The following AOPEP variants were observed in gnomAD, a reference collection of about 807,000 sequenced individuals.
AOPEP encodes the protein aminopeptidase O.
A neutral mutation model predicts 98.1 loss-of-function variants in AOPEP; 77 were observed. That is an observed-to-expected ratio of 0.78 (90% CI 0.65 to 0.95). The LOEUF (loss-of-function observed/expected upper bound fraction) is 0.95. Ranked by LOEUF, AOPEP falls within the 40% of genes least tolerant of loss-of-function variation. The pLI, the probability that AOPEP is intolerant of heterozygous loss-of-function variation, is 0.00. For missense variants in AOPEP, 1,024 were observed against 1,024.7 expected (o/e 1.00, Z 0.01); for synonymous variants, 346 against 365.3 (o/e 0.95, Z 0.60).
intron 10 of AOPEP, among the ~76,000 whole-genome samples, chr9:94,974,185 G>A (rs912947920): frequency 6.6e-6 from 1 of 152,136 alleles, no homozygotes; most frequent in African/African-American, 2.4e-5. Flanking sequence ...GGGAGATAAG[G>A]CCACTCATAG....
At chr9:94,849,441 A>G (rs1177461798) in intron 5 of AOPEP, among the ~76,000 whole-genome samples, 1 of 151,560 alleles carries the variant, frequency 6.6e-6, no homozygotes, top group Non-Finnish European at 1.5e-5. Flanking sequence ...GATTTTTTGA[A>G]GTATTCCCAA....
chr9:95,096,469 G>C, the AOPEP span, among the ~76,000 whole-genome samples: 10 of 152,154 alleles, frequency 6.6e-5, no homozygotes, highest in Admixed American at 5.2e-4. Context: ...GGCCCACCTG[G>C]GATGTGGTAA....
At chr9:94,989,476 T>C (rs10993441) in intron 11 of AOPEP, among the ~76,000 whole-genome samples, 19,943 of 151,892 alleles carry the variant, frequency 0.13, 3,374 homozygotes, top group African/African-American at 0.39. Context: ...ACCTCGTGAT[T>C]TGCCTTCCTT....
downstream of AOPEP, among the ~76,000 whole-genome samples, chr9:95,091,893 G>C (rs1021040475): frequency 5.9e-5 from 9 of 152,206 alleles, no homozygotes; most frequent in African/African-American, 2.2e-4. Context: ...CAGCCCCCAT[G>C]GGAGGCCCAG....
Position 94,800,813 on chromosome 9 carries a change from C to A in AOPEP, c.1175C>A (p.Ala392Asp), listed in dbSNP as rs757021584. The A allele has an allele frequency of 1.9e-6, 3 of 1,614,202 alleles. No individual in the cohort carries two copies. The African/African-American group carries it at 4.0e-5, about 22-fold the overall frequency. Residue 392 changes from alanine to aspartate, a missense_variant, in exon 5 of 17, where the codon GCC (alanine) becomes GAC (aspartate). Physicochemically the swap from Ala to Asp is moderately radical, Grantham distance 126. Around this residue, in one of 3 missense-constraint regions of AOPEP, gnomAD observed 566 missense variants for 551.7 expected, o/e 1.03. Coordinates refer to ENST00000375315, the MANE Select transcript of AOPEP (RefSeq NM_001193329.3). ...CCCTGCCGCTTCCAGAATGCTTCTG[C>A]CACCACCCAGGAGATCATTCCTCAT... is the stretch of plus-strand genomic sequence containing the variant. ...EYPCRFQNAS[A>D]TTQEIIPHRV...
intron 13 of AOPEP, among the ~76,000 whole-genome samples, chr9:95,042,043 T>G (rs1357534504): frequency 6.6e-6 from 1 of 152,188 alleles, no homozygotes; most frequent in East Asian, 1.9e-4. Flanking sequence ...CCAGGCGCGG[T>G]GGCTCATGCC....
chr9:95,060,460 G>T (rs1367473901), intron 13 of AOPEP, among the ~76,000 whole-genome samples: 1 of 152,226 alleles, frequency 6.6e-6, no homozygotes, highest in African/African-American at 2.4e-5. Flanking sequence ...GAACTGAAAT[G>T]ATTAGTCATG....
intron 13 of AOPEP, among the ~76,000 whole-genome samples, chr9:95,041,537 T>G (rs2065312398): frequency 1.3e-5 from 2 of 151,812 alleles, no homozygotes; most frequent in Non-Finnish European, 2.9e-5. Flanking sequence ...TCACCATATG[T>G]GTTGAATTGA....
At chr9:94,773,447 G>A (rs1357224538) in intron 3 of AOPEP, among the ~76,000 whole-genome samples, 1 of 152,094 alleles carries the variant, frequency 6.6e-6, no homozygotes, top group Non-Finnish European at 1.5e-5. Flanking sequence ...TAAGTAGGTG[G>A]TCTTGACTGA....
chr9:95,110,656 T>C, the AOPEP span: 1 of 1,048,120 alleles, frequency 9.5e-7, no homozygotes, highest in African/African-American at 1.7e-5. Flanking sequence ...CTGTGTGTTT[T>C]CAAACAACAG....
At chr9:95,050,106 A>G (rs2066212620) in intron 13 of AOPEP, among the ~76,000 whole-genome samples, 1 of 152,216 alleles carries the variant, frequency 6.6e-6, no homozygotes, top group African/African-American at 2.4e-5. Flanking sequence ...GTTTCCTTGG[A>G]AATAGTTTCT....
intron 16 of AOPEP, among the ~76,000 whole-genome samples, chr9:95,083,646 C>CAGCGCGTGCACCACACAG (rs1204859698): frequency 6.6e-6 from 1 of 151,506 alleles, no homozygotes; most frequent in Non-Finnish European, 1.5e-5. Flanking sequence ...ACACCACACA[C>CAGCGCGTGCACCACACAG]AGCGCGTGCA....
chr9:94,759,606 C>T, intron 1 of AOPEP, 43 bp from the exon 2 acceptor site: 4 of 589,698 alleles, frequency 6.8e-6, no homozygotes, highest in Non-Finnish European at 1.2e-5. Context: ...GCACTTAGGT[C>T]TTATTTGGAA....
At chr9:94,934,672 C>T (rs1366461189) in intron 7 of AOPEP, 2 of 152,200 alleles carry the variant, frequency 1.3e-5, no homozygotes, top group Non-Finnish European at 2.9e-5. Context: ...ATTATGGAAG[C>T]AAATTTTATT....
the AOPEP span, among the ~76,000 whole-genome samples, chr9:95,139,853 A>AT: frequency 2.8e-5 from 4 of 144,418 alleles, no homozygotes; most frequent in East Asian, 6.1e-4. Context: ...TATATATATA[A>AT]ATATATATAT....
At chr9:95,113,193 T>C in the AOPEP span, among the ~76,000 whole-genome samples, 1 of 152,204 alleles carries the variant, frequency 6.6e-6, no homozygotes, top group Non-Finnish European at 1.5e-5. Context: ...GTCTGGTCTC[T>C]GTCGGTAAGA....
chr9:95,139,589 G>A, the AOPEP span, among the ~76,000 whole-genome samples: 1 of 152,042 alleles, frequency 6.6e-6, no homozygotes, highest in Non-Finnish European at 1.5e-5. Flanking sequence ...AGCTGGATCT[G>A]TGTCCTGCGA....
chr9:95,108,795 G>A, the AOPEP span, among the ~76,000 whole-genome samples: 11 of 152,046 alleles, frequency 7.2e-5, no homozygotes, highest in East Asian at 1.7e-3. Context: ...TTTTTTCTAC[G>A]CACTGAGACC....
intron 3 of AOPEP, among the ~76,000 whole-genome samples, chr9:94,786,584 G>T (rs188319301): frequency 1.1e-4 from 16 of 152,280 alleles, no homozygotes; most frequent in Admixed American, 5.2e-4. Flanking sequence ...GTTCCCTGTG[G>T]CAGTGGGCAG....
Sources: gnomAD v4.1 joint callset for allele counts (sites outside exome capture counted in the v4.1 genomes callset) on GRCh38, gnomAD v4.1.1 for gene constraint, gnomAD v4.1.1 regional missense constraint, MANE v1.5 for transcripts, NCBI Gene and HGNC (gene_info 2026-07-23, HGNC 2026-07-21) for gene names.